The following GPC5 variants were observed in gnomAD, a reference collection of about 807,000 sequenced individuals.
GPC5 encodes glypican-5.
GPC5 carries 47 observed loss-of-function variants against 53.9 expected under a neutral mutation model. The ratio of observed to expected loss-of-function variants is 0.87; its 90% CI spans 0.69 to 1.11. The LOEUF is 1.11. Among genes scored for constraint, GPC5 ranks in the 50% most tolerant of loss-of-function variants. The pLI is 0.00. For synonymous variants in GPC5, 286 were observed against 263.3 expected (o/e 1.09, Z -0.84); for missense variants, 748 against 713.1 (o/e 1.05, Z -0.56).
chr13:92,025,818 T>C (rs1536368), intron 6 of GPC5, among the ~76,000 whole-genome samples: 71,285 of 152,060 alleles, frequency 0.47, 17,194 homozygotes, highest in East Asian at 0.76. Flanking sequence ...CATAGCTAAA[T>C]CATTCTTTTT....
intron 2 of GPC5, among the ~76,000 whole-genome samples, chr13:91,519,842 A>G (rs1320406078): frequency 6.6e-6 from 1 of 151,868 alleles, no homozygotes; most frequent in Non-Finnish European, 1.5e-5. Context: ...TGTAATTGCA[A>G]ACTCATTTTG....
intron 6 of GPC5, among the ~76,000 whole-genome samples, chr13:92,024,343 A>G (rs369447387): frequency 1.8e-4 from 28 of 152,202 alleles, no homozygotes; most frequent in African/African-American, 6.0e-4. Context: ...TAGTTCTCTA[A>G]TCTGTGATAA....
chr13:92,720,828 T>C (rs1489011940), intron 7 of GPC5, among the ~76,000 whole-genome samples: 1 of 152,144 alleles, frequency 6.6e-6, no homozygotes, highest in East Asian at 1.9e-4. Context: ...TTACTAAAAG[T>C]TGTTTTTGCA....
At chr13:91,936,976 T>TGA (rs909755603) in intron 6 of GPC5, among the ~76,000 whole-genome samples, 6 of 152,082 alleles carry the variant, frequency 3.9e-5, no homozygotes, top group African/African-American at 1.4e-4. Context: ...GCTTATCTCA[T>TGA]ATGCACAGTG....
intron 2 of GPC5, among the ~76,000 whole-genome samples, chr13:91,494,693 A>T (rs968387959): frequency 6.6e-6 from 1 of 152,148 alleles, no homozygotes; most frequent in Admixed American, 6.5e-5. Context: ...AGTCAGCAGT[A>T]GGGGACAGGG....
At chr13:91,485,117 A>T (rs1236571452) in intron 2 of GPC5, among the ~76,000 whole-genome samples, 1 of 152,248 alleles carries the variant, frequency 6.6e-6, no homozygotes, top group South Asian at 2.1e-4. Context: ...AAATATGCAC[A>T]TTTTTTTGAG....
At chr13:92,681,484 T>C (rs1887109100) in intron 7 of GPC5, among the ~76,000 whole-genome samples, 1 of 151,784 alleles carries the variant, frequency 6.6e-6, no homozygotes, top group Admixed American at 6.6e-5. Context: ...CCACCACAGC[T>C]CCTCCATCCC....
At chr13:92,770,960 A>C (rs937083115) in intron 7 of GPC5, among the ~76,000 whole-genome samples, 1 of 151,848 alleles carries the variant, frequency 6.6e-6, no homozygotes, top group Non-Finnish European at 1.5e-5. Flanking sequence ...TGGTAGTTCT[A>C]TTTCCCCCTA....
At position 91,839,494 on chromosome 13, in the gene GPC5, C is replaced by T. The variant is rs578187469; in HGVS notation, c.1281-68443C>T. On this transcript the variant is annotated intron_variant, in intron 5 of 7. Transcript: ENST00000377067. The stretch of plus-strand genomic sequence containing the variant: ...GTACATAACATTGAAAGTTAATCAC[C>T]TGTAGTTAACAGGTGGTTAATGTTA... Among the ~76,000 whole-genome samples the T allele has an allele frequency of 2.6e-5, 4 of 151,888 alleles. No homozygotes were observed. In the South Asian group the frequency reaches 6.3e-4, roughly 24 times the overall value.
At chr13:91,638,214 T>C (rs2034329955) in intron 2 of GPC5, among the ~76,000 whole-genome samples, 1 of 152,196 alleles carries the variant, frequency 6.6e-6, no homozygotes, top group South Asian at 2.1e-4. Flanking sequence ...ATTTCGTATA[T>C]CAAACCTCAA....
At chr13:92,848,523 AAT>A (rs1304497107) in intron 7 of GPC5, among the ~76,000 whole-genome samples, 1 of 150,722 alleles carries the variant, frequency 6.6e-6, no homozygotes, top group Non-Finnish European at 1.5e-5. Flanking sequence ...AGAAAACAAA[AAT>A]AAACATAATT....
intron 7 of GPC5, among the ~76,000 whole-genome samples, chr13:92,390,735 AAAAG>A (rs769589440): frequency 6.6e-6 from 1 of 152,130 alleles, no homozygotes; most frequent in Non-Finnish European, 1.5e-5. Context: ...AAAGAGAAAA[AAAAG>A]CAATTTTTCA....
intron 5 of GPC5, among the ~76,000 whole-genome samples, chr13:91,758,848 A>G (rs963715025): frequency 1.3e-5 from 2 of 152,104 alleles, no homozygotes; most frequent in African/African-American, 2.4e-5. Flanking sequence ...ACTATCTTCA[A>G]ACAATTCTTC....
intron 1 of GPC5, among the ~76,000 whole-genome samples, chr13:91,428,549 C>A (rs1231164476): frequency 1.2e-4 from 19 of 152,150 alleles, no homozygotes; most frequent in Admixed American, 1.2e-3. Flanking sequence ...GGACTCTATT[C>A]CAAACTGGTA....
intron 7 of GPC5, among the ~76,000 whole-genome samples, chr13:92,823,641 T>C (rs1157587420): frequency 2.6e-5 from 4 of 152,084 alleles, no homozygotes; most frequent in African/African-American, 9.7e-5. Context: ...GAAAAACTCA[T>C]ATTGAAGTTT....
At chr13:91,977,977 A>AAGAAAGAAAGAAAGAAAGAG (rs1212389226) in intron 6 of GPC5, among the ~76,000 whole-genome samples, 1 of 148,452 alleles carries the variant, frequency 6.7e-6, no homozygotes, top group African/African-American at 2.6e-5. Flanking sequence ...GAAAGAAAGA[A>AAGAAAGAAAGAAAGAAAGAG]AGAAAGAAAA....
chr13:92,071,290 A>T (rs2041209223), intron 6 of GPC5, among the ~76,000 whole-genome samples: 1 of 152,156 alleles, frequency 6.6e-6, no homozygotes, highest in East Asian at 1.9e-4. Context: ...TTTTGTTACA[A>T]ATATTTATTA....
At chr13:91,513,446 A>T (rs538704863) in intron 2 of GPC5, among the ~76,000 whole-genome samples, 1 of 152,222 alleles carries the variant, frequency 6.6e-6, no homozygotes, top group East Asian at 1.9e-4. Flanking sequence ...CACTGTTAAG[A>T]TAGAGAACAC....
intron 7 of GPC5, among the ~76,000 whole-genome samples, chr13:92,755,460 G>A (rs914796814): frequency 2.6e-5 from 4 of 151,392 alleles, no homozygotes; most frequent in African/African-American, 7.3e-5. Context: ...GCTAGCAGAA[G>A]GCAAGAAATA....
Sources: allele counts gnomAD v4.1 joint callset (sites outside exome capture counted in the v4.1 genomes callset), GRCh38; gene constraint gnomAD v4.1.1; transcripts MANE v1.5; gene names NCBI Gene and HGNC (gene_info 2026-07-23, HGNC 2026-07-21).